ZCWPW1: variants seen among roughly 807,000 people sequenced by gnomAD.
ZCWPW1 encodes the protein zinc finger CW-type PWWP domain protein 1.
Under a neutral mutation model 81.3 loss-of-function variants are expected in ZCWPW1, and 56 were observed. That is an observed-to-expected ratio of 0.69 (90% confidence interval 0.56 to 0.86). ZCWPW1 has a LOEUF of 0.86. ZCWPW1 is among the 40% of genes least tolerant of loss of function. The probability of loss-of-function intolerance (pLI) is 0.00; values close to 1 mark genes in which losing one functional copy is unlikely to be tolerated. For synonymous variants in ZCWPW1, 250 were observed against 273.7 expected (o/e 0.91, Z 0.86); for missense variants, 650 against 769.8 (o/e 0.84, Z 1.84).
At position 100,428,278 on chromosome 7, in the gene ZCWPW1, C is replaced by T. The variant is rs62482208; in HGVS notation, c.-137+290G>A. The stretch of plus-strand genomic sequence containing the variant: ...AGAAAAGGCACGAGGACGCCCTGAG[C>T]ACTAGCTCCACCCGAGGGCGGTGCG... On this transcript the variant is annotated intron_variant, in intron 1 of 17. Coordinates refer to ENST00000684423, the MANE Select transcript of ZCWPW1 (RefSeq NM_001386010.1). Among the ~76,000 whole-genome samples, 477 of 152,260 alleles carry T rather than the reference C, an allele frequency of 3.1e-3. 1 individual carries two copies. Among genetic ancestry groups the T allele is most frequent in the Non-Finnish European group, 5.6e-3 (383 of 68,012 alleles).
chr7:100,417,446 G>A (rs1477937243), intron 5 of ZCWPW1: 15 of 376,076 alleles, frequency 4.0e-5, no homozygotes, highest in Non-Finnish European at 7.2e-5. Context: ...GGCCAGGCAT[G>A]GTGGCTCACG....
intron 2 of ZCWPW1, among the ~76,000 whole-genome samples, chr7:100,423,978 G>A (rs1217673137): frequency 6.6e-6 from 1 of 151,052 alleles, no homozygotes; most frequent in Non-Finnish European, 1.5e-5. Context: ...GCTGAGGCAG[G>A]AGAATCGCTT....
At chr7:100,414,790 G>T (rs1794877491) in intron 8 of ZCWPW1, among the ~76,000 whole-genome samples, 2 of 152,074 alleles carry the variant, frequency 1.3e-5, no homozygotes. Context: ...ACTTTAGGAG[G>T]CCGAAGCGGG....
At chr7:100,419,427 C>A (rs1795951280) in intron 4 of ZCWPW1, among the ~76,000 whole-genome samples, 1 of 152,154 alleles carries the variant, frequency 6.6e-6, no homozygotes, top group African/African-American at 2.4e-5. Context: ...TAACCCACCT[C>A]ATCCCATTAT....
rs1364970099 is a variant in ZCWPW1 at position 100,419,821 on chromosome 7, G to GT, written c.90dup (p.Pro31ThrfsTer3). ...TCCTTAGGGGAGTTAGGGCTACAAG[G>GT]TAACAGGCTGTAAGATTTTTGTGCA... On this transcript the variant is annotated frameshift_variant, in exon 4 of 18. Coordinates refer to ENST00000684423, the MANE Select transcript of ZCWPW1 (RefSeq NM_001386010.1). LOFTEE classifies it high-confidence loss of function. 1 of 1,605,404 alleles carries GT rather than the reference G, an allele frequency of 6.2e-7. No homozygotes were observed. The highest frequency in any genetic ancestry group is 1.1e-5 in the South Asian group (1 of 89,130).
At chr7:100,404,921 C>G (rs1792668499) in intron 13 of ZCWPW1, 92 bp downstream of exon 13, 18 of 1,330,190 alleles carry the variant, frequency 1.4e-5, no homozygotes, top group African/African-American at 2.9e-5. Context: ...TAGGATGGCC[C>G]CTAGCACAAA....
chr7:100,416,258 G>T, intron 7 of ZCWPW1, 47 bp downstream of exon 7: 1 of 1,602,782 alleles, frequency 6.2e-7, no homozygotes, highest in Non-Finnish European at 8.5e-7. Flanking sequence ...TAATTTCCTG[G>T]AGCTAGTACT....
intron 8 of ZCWPW1, among the ~76,000 whole-genome samples, chr7:100,409,834 G>A (rs142853196): frequency 1.2e-4 from 19 of 152,304 alleles, no homozygotes; most frequent in African/African-American, 4.3e-4. Context: ...AAGGCTGAAA[G>A]GAATGTTTCT....
chr7:100,404,060 A>G (rs1792473796), intron 14 of ZCWPW1, 118 bp downstream of exon 14: 2 of 1,127,956 alleles, frequency 1.8e-6, no homozygotes, highest in Non-Finnish European at 2.5e-6. Context: ...GCCTCCTATT[A>G]AAGAATCCAG....
intron 10 of ZCWPW1, 99 bp downstream of exon 10, chr7:100,408,440 C>T: frequency 6.7e-7 from 1 of 1,493,946 alleles, no homozygotes; most frequent in Non-Finnish European, 9.1e-7. Context: ...AGGCCAGAAC[C>T]ATTTCAATTA....
chr7:100,406,723 G>C lies in ZCWPW1; in HGVS notation c.1144C>G (p.Gln382Glu). Residue 382 changes from glutamine (Q) to glutamate (E), a missense_variant, in exon 12 of 18, where the codon CAG becomes GAG. Coordinates refer to ENST00000684423, the MANE Select transcript of ZCWPW1 (RefSeq NM_001386010.1). Reference sequence around the variant, plus strand: ...ACTGATAGCTCCAGGGACAGCTCCTGGAAGTTCTTTAGCATGTTGACTGGG... The same window carrying C: ...ACTGATAGCTCCAGGGACAGCTCCTCGAAGTTCTTTAGCATGTTGACTGGG... ...WIPVNMLKNF[Q>E]ELSLELSVMK... 6.2e-7 allele frequency: 1 copy of C among 1,614,120 alleles called. No homozygotes were observed. Among genetic ancestry groups the C allele is most frequent in the Non-Finnish European group, 8.5e-7 (1 of 1,180,022 alleles).
At chr7:100,416,863 T>A (rs1205106463) in intron 6 of ZCWPW1, among the ~76,000 whole-genome samples, 1 of 151,856 alleles carries the variant, frequency 6.6e-6, no homozygotes, top group Non-Finnish European at 1.5e-5. Flanking sequence ...GGAGAATTGC[T>A]TGAACCCAGG....
chr7:100,420,587 A>G, intron 3 of ZCWPW1, 35 bp downstream of exon 3: 1 of 1,613,790 alleles, frequency 6.2e-7, no homozygotes, highest in South Asian at 1.1e-5. Context: ...AATGAGAGAA[A>G]TGTATGAAGC....
At chr7:100,417,372 G>A (rs1012422135) in intron 5 of ZCWPW1, 189 bp from the exon 6 acceptor site, 2 of 535,298 alleles carry the variant, frequency 3.7e-6, no homozygotes, top group African/African-American at 3.9e-5. Flanking sequence ...AGCCTTTCCA[G>A]ATCGATCTGC....
chr7:100,419,881 A>G lies in ZCWPW1; in HGVS notation c.31T>C (p.Cys11Arg). The change falls in exon 4 of 18, where the codon TGT (cysteine) becomes CGT (arginine). Residue 11 changes from cysteine (C) to arginine (R), a missense_variant and splice_region_variant. Transcript: ENST00000684423. ...AAGATTCTCTTTGGTCCCTTTCCAC[A>G]TTCTGAAAGAAATGTGATCAAGTGG... MMTTLQNKEE[C>R]GKGPKRIFAP... The G allele has an allele frequency of 1.9e-6, 3 of 1,565,410 alleles. No homozygotes were observed. The East Asian group carries it at 6.7e-5, about 35-fold the overall frequency.
chr7:100,401,088 GCT>G lies in ZCWPW1; in HGVS notation c.1874_1875del (p.Glu625AlafsTer13). ...LEQLMEDVGRELGQSGELQHS... is the reference protein window; with the variant it reads ...LEQLMEDVGRXLGQSGELQHS... ...TGCTGCAGCTCCCCGCTCTGCCCCA[GCT>G]CTCTCCCAACATCTTCCATGAGTTG... On this transcript the variant is annotated frameshift_variant, in exon 18 of 18. Coordinates refer to ENST00000684423, the MANE Select transcript of ZCWPW1 (RefSeq NM_001386010.1). LOFTEE classifies it low-confidence loss of function (END_TRUNC). 1.2e-6 allele frequency: 2 copies of G among 1,614,194 alleles called. No individual in the cohort carries two copies. Among genetic ancestry groups the G allele is most frequent in the Non-Finnish European group, 1.7e-6 (2 of 1,180,020 alleles).
At chr7:100,413,029 A>G (rs140227144) in intron 8 of ZCWPW1, among the ~76,000 whole-genome samples, 1 of 152,342 alleles carries the variant, frequency 6.6e-6, no homozygotes, top group Non-Finnish European at 1.5e-5. Context: ...CTGGGATTAC[A>G]GGTGTAAACC....
chr7:100,423,580 A>G (rs1172397699), intron 2 of ZCWPW1, among the ~76,000 whole-genome samples: 1 of 152,176 alleles, frequency 6.6e-6, no homozygotes, highest in East Asian at 1.9e-4. Context: ...AATGTGAATA[A>G]TTCAGATGTG....
chr7:100,406,410 T>A (rs1793019539), intron 12 of ZCWPW1, among the ~76,000 whole-genome samples: 1 of 152,100 alleles, frequency 6.6e-6, no homozygotes, highest in Admixed American at 6.5e-5. Flanking sequence ...CCTGAGTTAA[T>A]CTGTGCCCTC....
Sources: allele counts gnomAD v4.1 joint callset (sites outside exome capture counted in the v4.1 genomes callset), GRCh38; gene constraint gnomAD v4.1.1; transcripts MANE v1.5; gene names NCBI Gene and HGNC (gene_info 2026-07-23, HGNC 2026-07-21).